Variants in PLD5 observed in about 807,000 individuals in gnomAD.
The protein encoded by PLD5 is inactive phospholipase D5.
A neutral mutation model predicts 61.1 loss-of-function variants in PLD5; 36 were observed. The ratio of observed to expected loss-of-function variants is 0.59; its 90% CI spans 0.45 to 0.78. The LOEUF (loss-of-function observed/expected upper bound fraction) is 0.78. Among genes scored for constraint, PLD5 ranks in the 30% least tolerant of loss-of-function variants. The probability of loss-of-function intolerance (pLI) is 0.00; values close to 1 mark genes in which losing one functional copy is unlikely to be tolerated. For missense variants in PLD5, 515 were observed against 644.4 expected, an observed-to-expected ratio of 0.80 and a Z score of 2.17; for synonymous variants, 243 against 242.8, an observed-to-expected ratio of 1.00 and a Z score of -0.01.
intron 1 of PLD5, among the ~76,000 whole-genome samples, chr1:242,440,873 C>T (rs1666242431): frequency 6.6e-6 from 1 of 152,194 alleles, no homozygotes; most frequent in South Asian, 2.1e-4. Flanking sequence ...AAAATCAGGT[C>T]ATTCACCCCC....
In PLD5 at chr1:242,220,042, G is replaced by A; in HGVS notation, c.681C>T (p.Asp227=). 2 of 1,614,194 alleles carry A rather than the reference G, an allele frequency of 1.2e-6. No individual in the cohort carries two copies. The highest frequency in any genetic ancestry group is 1.7e-6 in the Non-Finnish European group (2 of 1,180,030). The part of the protein sequence containing the change: ...GRLQSSFWIV[D]KQHVYIGSAG... The stretch of plus-strand genomic sequence containing the variant: ...CACTGCCGATATACACGTGCTGTTT[G>A]TCCACGATCCAGAAGGAGGACTGCA... Residue 227 remains aspartate (D), a synonymous_variant, in exon 5 of 10, where the codon GAC becomes GAT. Transcript: ENST00000536534.
chr1:242,107,600 G>A (rs1661165607), intron 8 of PLD5, 71 bp downstream of exon 8: 1 of 1,387,942 alleles, frequency 7.2e-7, no homozygotes, highest in Non-Finnish European at 9.7e-7. Context: ...ATAGGCGTAT[G>A]CTTGCAGCTT....
At chr1:242,218,567 A>G (rs1670363628) in intron 5 of PLD5, among the ~76,000 whole-genome samples, 1 of 152,238 alleles carries the variant, frequency 6.6e-6, no homozygotes, top group Admixed American at 6.5e-5. Flanking sequence ...TGGATTTGCA[A>G]TTGGAAAGAT....
intron 1 of PLD5, among the ~76,000 whole-genome samples, chr1:242,482,086 A>G (rs1165949088): frequency 1.3e-5 from 2 of 152,240 alleles, no homozygotes; most frequent in African/African-American, 2.4e-5. Context: ...GACCAAAGGT[A>G]GATAAAACCA....
chr1:242,260,295 C>T (rs1348890759), intron 4 of PLD5, among the ~76,000 whole-genome samples: 1 of 150,638 alleles, frequency 6.6e-6, no homozygotes, highest in Non-Finnish European at 1.5e-5. Flanking sequence ...TGCAGTGAGC[C>T]GAGATGGCAC....
intron 4 of PLD5, among the ~76,000 whole-genome samples, chr1:242,238,927 C>T (rs1007682277): frequency 2.4e-4 from 37 of 152,096 alleles, no homozygotes; most frequent in African/African-American, 8.7e-4. Flanking sequence ...GGGTACTTAA[C>T]TCACTGGAAG....
At chr1:242,148,479 C>A (rs557188036) in intron 5 of PLD5, among the ~76,000 whole-genome samples, 1 of 151,588 alleles carries the variant, frequency 6.6e-6, no homozygotes, top group East Asian at 1.9e-4. Flanking sequence ...ATTCTTTGCC[C>A]TTTCTAAATA....
At chr1:242,496,254 A>G (rs974801950) in intron 1 of PLD5, among the ~76,000 whole-genome samples, 3 of 152,022 alleles carry the variant, frequency 2.0e-5, no homozygotes, top group African/African-American at 7.2e-5. Context: ...GAAGAAAGGG[A>G]AAAAAAACCT....
intron 6 of PLD5, among the ~76,000 whole-genome samples, chr1:242,119,840 A>C (rs181104320): frequency 6.6e-6 from 1 of 152,342 alleles, no homozygotes; most frequent in African/African-American, 2.4e-5. Context: ...AACTCGAATT[A>C]AAAACAGCTA....
chr1:242,109,686 C>CT (rs752928951), intron 7 of PLD5, among the ~76,000 whole-genome samples: 45 of 152,276 alleles, frequency 3.0e-4, no homozygotes, highest in South Asian at 4.1e-4. Flanking sequence ...ATTTTTCACC[C>CT]TTTTCTGACA....
chr1:242,371,524 C>T (rs1256518491), intron 1 of PLD5, among the ~76,000 whole-genome samples: 1 of 152,070 alleles, frequency 6.6e-6, no homozygotes, highest in Non-Finnish European at 1.5e-5. Flanking sequence ...CCCTTATCCC[C>T]CTCCTTCTTT....
chr1:242,254,453 T>C (rs1008432719), intron 4 of PLD5, among the ~76,000 whole-genome samples: 3 of 151,936 alleles, frequency 2.0e-5, no homozygotes, highest in African/African-American at 7.3e-5. Flanking sequence ...GCGGATCACC[T>C]GAGATCAGGA....
rs138183478 is a variant in PLD5 at position 242,278,248 on chromosome 1, T to C, written c.495+10114A>G. Among the ~76,000 whole-genome samples, 331 of 151,974 alleles carry C rather than the reference T, an allele frequency of 2.2e-3. 1 individual carries two copies. Among genetic ancestry groups the C allele is most frequent in the African/African-American group, 7.8e-3 (322 of 41,448 alleles). The stretch of plus-strand genomic sequence containing the variant: ...AAAATAGGAAAAACACAAATGAAGA[T>C]ACAGAGAAAAAATAAACCAGCATAC... On this transcript the variant is annotated intron_variant, in intron 3 of 9. Transcript: ENST00000536534.
Position 242,284,032 on chromosome 1 carries a change from T to C in PLD5, c.495+4330A>G, listed in dbSNP as rs535884252. ...AAGTACCTGTTTCCTTTCTCCATTC[T>C]TCATCACTTCACAATTATTCCCCTA... On this transcript the variant is annotated intron_variant, in intron 3 of 9. Coordinates refer to ENST00000536534, the MANE Select transcript of PLD5 (RefSeq NM_001372062.1). Among the ~76,000 whole-genome samples, 819 of 150,910 alleles carry C rather than the reference T, an allele frequency of 5.4e-3. 10 individuals are homozygous for C. The highest frequency in any genetic ancestry group is 0.019 in the African/African-American group (769 of 41,160).
intron 4 of PLD5, among the ~76,000 whole-genome samples, chr1:242,252,815 C>A (rs903478736): frequency 3.0e-5 from 4 of 131,644 alleles, no homozygotes; most frequent in African/African-American, 1.1e-4. Context: ...CTCTTCAGTG[C>A]CTTTTTTTTT....
chr1:242,253,373 C>T (rs1430177491), intron 4 of PLD5, among the ~76,000 whole-genome samples: 5 of 144,700 alleles, frequency 3.5e-5, no homozygotes, highest in African/African-American at 5.2e-5. Flanking sequence ...AGTGCAGTGG[C>T]GCGATCTTGG....
intron 5 of PLD5, among the ~76,000 whole-genome samples, chr1:242,218,304 T>C (rs2149002338): frequency 6.6e-6 from 1 of 152,366 alleles, no homozygotes; most frequent in South Asian, 2.1e-4. Flanking sequence ...TGTTTTTACA[T>C]AGTGCTACTG....
chr1:242,172,468 C>T (rs1442502809), intron 5 of PLD5, among the ~76,000 whole-genome samples: 2 of 152,082 alleles, frequency 1.3e-5, no homozygotes, highest in African/African-American at 4.8e-5. Flanking sequence ...ATTAAAAGAA[C>T]TAGAGAAGCA....
At chr1:242,418,422 A>G (rs1021578753) in intron 1 of PLD5, among the ~76,000 whole-genome samples, 2 of 152,190 alleles carry the variant, frequency 1.3e-5, no homozygotes, top group African/African-American at 4.8e-5. Flanking sequence ...AGCTAAAGGT[A>G]ATAAATGTTG....
Sources: gnomAD v4.1 joint callset for allele counts (sites outside exome capture counted in the v4.1 genomes callset) on GRCh38, gnomAD v4.1.1 for gene constraint, MANE v1.5 for transcripts, NCBI Gene and HGNC (gene_info 2026-07-23, HGNC 2026-07-21) for gene names.